The following RELL1 variants were observed in gnomAD, a reference collection of about 807,000 sequenced individuals.
RELL1 encodes the protein RELT like 1.
In RELL1, 10 loss-of-function variants were observed where a neutral mutation model predicts 23.0. That is an observed-to-expected ratio of 0.43 (90% CI 0.27 to 0.74). The LOEUF (loss-of-function observed/expected upper bound fraction) is 0.74, where lower values mean the gene tolerates loss of function less well. RELL1 is among the 30% of genes least tolerant of loss of function. RELL1 has a pLI of 0.19. For missense variants in RELL1, 315 were observed against 364.4 expected (o/e 0.86, Z 1.10); for synonymous variants, 146 against 146.8 (o/e 0.99, Z 0.04).
rs937338985 is a variant in RELL1 at position 37,612,043 on chromosome 4, G to A, written c.*1303C>T. Among the ~76,000 whole-genome samples, 13 of 152,082 alleles carry A rather than the reference G, an allele frequency of 8.5e-5. No individual in the cohort carries two copies. The highest frequency in any genetic ancestry group is 2.7e-4 in the African/African-American group (11 of 41,508). ...ACAAAAAAAATAAGCCAAGCGTGGTGGTGGGCACCTGTAGTCCCAGCTACT... is the reference window on the plus strand; with the variant it reads ...ACAAAAAAAATAAGCCAAGCGTGGTAGTGGGCACCTGTAGTCCCAGCTACT... On this transcript the variant is annotated 3_prime_UTR_variant, in exon 7 of 7. Transcript: ENST00000454158.
intron 6 of RELL1, among the ~76,000 whole-genome samples, chr4:37,627,668 A>C (rs1719997026): frequency 6.6e-6 from 1 of 152,244 alleles, no homozygotes; most frequent in Non-Finnish European, 1.5e-5. Context: ...ATATAAGTTT[A>C]GTTTCTGGTA....
intron 5 of RELL1, 124 bp from the exon 6 acceptor site, chr4:37,631,647 GA>G: frequency 9.5e-7 from 1 of 1,052,116 alleles, no homozygotes; most frequent in South Asian, 1.6e-5. Context: ...GGACACAAAT[GA>G]AAAACAACAT....
At chr4:37,627,977 A>G (rs1720006992) in intron 6 of RELL1, among the ~76,000 whole-genome samples, 1 of 152,208 alleles carries the variant, frequency 6.6e-6, no homozygotes, top group African/African-American at 2.4e-5. Flanking sequence ...AAATTTTCAG[A>G]ATTTTTCTAG....
intron 3 of RELL1, among the ~76,000 whole-genome samples, chr4:37,645,972 C>A (rs948725324): frequency 6.6e-6 from 1 of 152,142 alleles, no homozygotes; most frequent in African/African-American, 2.4e-5. Flanking sequence ...CAGGGCAGGG[C>A]CTGAGGGCAG....
chr4:37,593,832 G>A (rs549103016), intron 6 of RELL1, among the ~76,000 whole-genome samples: 2 of 152,258 alleles, frequency 1.3e-5, no homozygotes, highest in East Asian at 3.9e-4. Flanking sequence ...TCCACCTTTG[G>A]TCCGGGGGAA....
At chr4:37,677,317 T>G (rs1483286958) in intron 1 of RELL1, among the ~76,000 whole-genome samples, 5 of 152,228 alleles carry the variant, frequency 3.3e-5, no homozygotes, top group African/African-American at 1.2e-4. Flanking sequence ...CTCACTTAAG[T>G]CCTGGCTGTG....
At position 37,604,810 on chromosome 4, in the gene RELL1, G is replaced by GACACACACACACACACAC. The variant is rs199773530; in HGVS notation, c.*4-13594_*4-13593insGTGTGTGTGTGTGTGTGT. On this transcript the variant is annotated intron_variant, in intron 6 of 6. Transcript: ENST00000314117. The stretch of plus-strand genomic sequence containing the variant: ...AGACACACACACAGACACACACACA[G>GACACACACACACACACAC]ACACACACACAGACACACACATACA... Among the ~76,000 whole-genome samples the GACACACACACACACACAC allele has an allele frequency of 1.9e-3, 142 of 73,538 alleles. 1 individual carries two copies. The highest frequency in any genetic ancestry group is 2.8e-3 in the South Asian group (6 of 2,146). The allele number at this position is 73,538 out of a possible 152,430, so 48.2% of individuals were successfully genotyped here.
Position 37,649,294 on chromosome 4 carries a change from C to G in RELL1, c.295G>C (p.Glu99Gln). ...TATTTACCTATCTTTTCAACCTTTT[C>G]CTCTTCGATATCTTGCTCTGCTTCT... ...TTEAEQDIEE[E>Q]KVEKIELNDS... The change falls in exon 2 of 7, where the codon GAA (glutamate) becomes CAA (glutamine). Residue 99 changes from glutamate (E) to glutamine (Q), a missense_variant. Coordinates refer to ENST00000454158, the MANE Select transcript of RELL1 (RefSeq NM_001085400.2). 1 of 1,614,072 alleles carries G rather than the reference C, an allele frequency of 6.2e-7. No homozygotes were observed. The highest frequency in any genetic ancestry group is 8.5e-7 in the Non-Finnish European group (1 of 1,179,960).
At chr4:37,597,106 T>C (rs912085581) in intron 6 of RELL1, among the ~76,000 whole-genome samples, 1 of 152,072 alleles carries the variant, frequency 6.6e-6, no homozygotes, top group Non-Finnish European at 1.5e-5. Flanking sequence ...CACGCACTTA[T>C]AATATAAGCC....
rs370706419 is a variant in RELL1 at position 37,631,240 on chromosome 4, C to G, written c.*3+145G>C. 40 of 876,178 alleles carry G rather than the reference C, an allele frequency of 4.6e-5. 1 individual carries two copies. Among genetic ancestry groups the G allele is most frequent in the African/African-American group, 3.7e-4 (22 of 59,018 alleles). The allele number at this position is 876,178 out of a possible 1,614,324, so 54.3% of individuals were successfully genotyped here. A position where few individuals can be genotyped will look rare whatever the true frequency, so the allele number is the denominator to read the frequency against. The stretch of plus-strand genomic sequence containing the variant: ...GCAGACAAGTAATCATGTTCAGTCC[C>G]CCTCAGTCTTCCTGGGTCAAGGAAA... On this transcript the variant is annotated intron_variant, in intron 6 of 6. Transcript: ENST00000454158.
At chr4:37,645,055 G>A (rs571143793) in intron 3 of RELL1, among the ~76,000 whole-genome samples, 2 of 152,286 alleles carry the variant, frequency 1.3e-5, no homozygotes, top group East Asian at 1.9e-4. Context: ...AAAGCCCACA[G>A]AACAGGCCCA....
chr4:37,604,036 G>C (rs1214808294), intron 6 of RELL1, among the ~76,000 whole-genome samples: 1 of 152,112 alleles, frequency 6.6e-6, no homozygotes, highest in Non-Finnish European at 1.5e-5. Context: ...TGCCCAGGCT[G>C]GTCTCAAACT....
chr4:37,604,616 A>G (rs1298971073), intron 6 of RELL1, among the ~76,000 whole-genome samples: 1 of 152,046 alleles, frequency 6.6e-6, no homozygotes, highest in Non-Finnish European at 1.5e-5. Flanking sequence ...TATGAAGGAG[A>G]GATGGAATGC....
intron 1 of RELL1, among the ~76,000 whole-genome samples, chr4:37,668,086 T>G (rs907462967): frequency 6.6e-5 from 10 of 152,168 alleles, no homozygotes; most frequent in Non-Finnish European, 1.3e-4. Flanking sequence ...GTCATTTTTT[T>G]TCTTTAGTGT....
At chr4:37,650,622 A>ATT (rs1179291099) in intron 1 of RELL1, among the ~76,000 whole-genome samples, 4 of 152,132 alleles carry the variant, frequency 2.6e-5, no homozygotes, top group Admixed American at 2.6e-4. Flanking sequence ...TGAAGTGGGC[A>ATT]TCTTTTGGAG....
intron 1 of RELL1, among the ~76,000 whole-genome samples, chr4:37,650,820 TG>T (rs1172556491): frequency 3.3e-5 from 2 of 61,464 alleles, no homozygotes; most frequent in Admixed American, 2.3e-4. Flanking sequence ...CTGAAGGGGG[TG>T]GGGGGAGGGG....
intron 1 of RELL1, among the ~76,000 whole-genome samples, chr4:37,669,369 A>T (rs1209870295): frequency 3.5e-5 from 5 of 141,214 alleles, no homozygotes; most frequent in Admixed American, 3.5e-4. Context: ...TGGGGGGGTC[A>T]GTCCCCGGCC....
At chr4:37,630,351 G>T (rs866854838) in intron 6 of RELL1, among the ~76,000 whole-genome samples, 19 of 140,854 alleles carry the variant, frequency 1.3e-4, no homozygotes, top group Admixed American at 5.3e-4. Context: ...GTGCGTGTGT[G>T]TGTGGTTTTT....
intron 6 of RELL1, among the ~76,000 whole-genome samples, chr4:37,618,411 A>AT (rs1560331169): frequency 6.6e-6 from 1 of 151,042 alleles, no homozygotes; most frequent in African/African-American, 2.4e-5. Flanking sequence ...TTATTTATTT[A>AT]TTTTTTTAAG....
Sources: allele counts gnomAD v4.1 joint callset (sites outside exome capture counted in the v4.1 genomes callset), GRCh38; gene constraint gnomAD v4.1.1; transcripts MANE v1.5; gene names NCBI Gene and HGNC (gene_info 2026-07-23, HGNC 2026-07-21).